The following ZNF565 variants were observed in gnomAD, a reference collection of about 807,000 sequenced individuals.
The protein encoded by ZNF565 is zinc finger protein 565.
A neutral mutation model predicts 39.4 loss-of-function variants in ZNF565; 27 were observed. That is an observed-to-expected ratio of 0.69 (90% confidence interval 0.51 to 0.95). The LOEUF (loss-of-function observed/expected upper bound fraction) is 0.95, where lower values mean the gene tolerates loss of function less well. Among genes scored for constraint, ZNF565 ranks in the 40% least tolerant of loss-of-function variants. ZNF565 has a pLI of 0.00. For missense variants in ZNF565, 524 were observed against 621.1 expected (o/e 0.84, Z 1.66); for synonymous variants, 185 against 216.6 (o/e 0.85, Z 1.28).
chr19:36,182,451 T>A lies in ZNF565; in HGVS notation c.*15A>T. 1 of 1,540,820 alleles carries A rather than the reference T, an allele frequency of 6.5e-7. No homozygotes were observed. Among genetic ancestry groups the A allele is most frequent in the East Asian group, 2.3e-5 (1 of 44,348 alleles). On this transcript the variant is annotated 3_prime_UTR_variant, in exon 5 of 5. Coordinates refer to ENST00000304116, the MANE Select transcript of ZNF565 (RefSeq NM_152477.5). Reference sequence around the variant, plus strand: ...CACATAAAGGCTTATCTTTATCCCTTACACTCAAGGCTTTCTAACCAGTAT... The same window carrying A: ...CACATAAAGGCTTATCTTTATCCCTAACACTCAAGGCTTTCTAACCAGTAT...
intron 1 of ZNF565, among the ~76,000 whole-genome samples, chr19:36,210,723 C>T (rs1330728153): frequency 1.3e-5 from 2 of 151,372 alleles, no homozygotes; most frequent in African/African-American, 4.9e-5. Flanking sequence ...CTCCCGGGCT[C>T]AAGCAATCCT....
chr19:36,233,419 A>G (rs1396480199), intron 1 of ZNF565, among the ~76,000 whole-genome samples: 1 of 152,064 alleles, frequency 6.6e-6, no homozygotes, highest in Non-Finnish European at 1.5e-5. Flanking sequence ...CTGACTTGGA[A>G]AAGAAAGAGA....
chr19:36,212,801 G>A (rs1290992692), intron 1 of ZNF565, among the ~76,000 whole-genome samples: 1 of 152,170 alleles, frequency 6.6e-6, no homozygotes, highest in Non-Finnish European at 1.5e-5. Context: ...GCAAATACTG[G>A]AGACCAGGTT....
At chr19:36,227,247 G>T (rs921890933) in intron 1 of ZNF565, among the ~76,000 whole-genome samples, 30 of 151,488 alleles carry the variant, frequency 2.0e-4, no homozygotes, top group African/African-American at 7.0e-4. Context: ...AAATTAGCTG[G>T]GTGTAGTGGC....
chr19:36,183,823 A>G, intron 4 of ZNF565, 90 bp from the exon 5 acceptor site: 1 of 1,202,748 alleles, frequency 8.3e-7, no homozygotes, highest in Non-Finnish European at 1.2e-6. Context: ...ACGGTGGCTC[A>G]CATCTGTAAT....
intron 4 of ZNF565, among the ~76,000 whole-genome samples, chr19:36,190,696 G>GGGAA (rs1471901945): frequency 6.6e-6 from 1 of 151,260 alleles, no homozygotes; most frequent in Non-Finnish European, 1.5e-5. Context: ...AAGTGAAAGT[G>GGGAA]GGAAGGCCAG....
chr19:36,221,281 C>T (rs1379311810), intron 1 of ZNF565, among the ~76,000 whole-genome samples: 1 of 137,912 alleles, frequency 7.3e-6, no homozygotes, highest in Non-Finnish European at 1.5e-5. Context: ...GGTTAAGGGA[C>T]TGCTTTTTTT....
chr19:36,201,232 G>T (rs545587154), intron 2 of ZNF565, among the ~76,000 whole-genome samples: 55 of 152,200 alleles, frequency 3.6e-4, no homozygotes, highest in Non-Finnish European at 8.8e-5. Flanking sequence ...AGCCCAGGAG[G>T]TTGAGGCTGC....
intron 2 of ZNF565, among the ~76,000 whole-genome samples, chr19:36,195,841 C>T (rs1475229675): frequency 6.7e-6 from 1 of 148,168 alleles, no homozygotes; most frequent in Non-Finnish European, 1.5e-5. Flanking sequence ...CCGTGCCCAG[C>T]CCACCTGACC....
upstream of ZNF565, chr19:36,215,146 T>A (rs1329887746): frequency 6.6e-6 from 1 of 152,134 alleles, no homozygotes; most frequent in Non-Finnish European, 1.5e-5. Flanking sequence ...ATTTTGGTCT[T>A]TGTCCGCGGG....
At chr19:36,242,091 A>G (rs897767178) in intron 1 of ZNF565, among the ~76,000 whole-genome samples, 3 of 152,214 alleles carry the variant, frequency 2.0e-5, no homozygotes, top group African/African-American at 7.2e-5. Context: ...GAAGTTCAAC[A>G]TGCAGAATGG....
At chr19:36,221,284 C>CTTTTTTTT (rs74172797) in intron 1 of ZNF565, among the ~76,000 whole-genome samples, 8 of 98,688 alleles carry the variant, frequency 8.1e-5, no homozygotes, top group African/African-American at 1.7e-4. Flanking sequence ...TAAGGGACTG[C>CTTTTTTTT]TTTTTTTTTT....
rs908402174 is a variant in ZNF565 at position 36,245,664 on chromosome 19, G to A, written c.-134C>T. ...TGCTTTGGCAGAGTCTCTGGTGCCC[G>A]GGTGAATGGGTTCAGGGTCTCTTAA... On this transcript the variant is annotated 5_prime_UTR_variant, in exon 1 of 5. Transcript: ENST00000355114. This position sits in a 1 kb window ranked among gnomAD's most constrained non-coding sequence, Gnocchi z 4.4. 1.9e-5 allele frequency: 13 copies of A among 675,766 alleles called. No individual in the cohort carries two copies. The highest frequency in any genetic ancestry group is 3.2e-5 in the Non-Finnish European group (12 of 371,240). The allele number at this position is 675,766 out of a possible 1,614,324, so 41.9% of individuals were successfully genotyped here.
At chr19:36,236,362 C>T in intron 1 of ZNF565, 3 of 1,491,452 alleles carry the variant, frequency 2.0e-6, no homozygotes, top group Non-Finnish European at 2.7e-6. Context: ...GAAATATCTT[C>T]AGCCAAAAGT....
rs1349866410 is a variant in ZNF565, at chr19:36,237,167, A to G, written c.55+8309T>C. The G allele has an allele frequency of 1.9e-6, 3 of 1,614,022 alleles. No homozygotes were observed. The African/African-American group carries it at 4.0e-5, about 22-fold the overall frequency. On this transcript the variant is annotated intron_variant, in intron 1 of 4. Coordinates refer to the ZNF565 transcript ENST00000355114. ...TACAGGGGAGAAGCCCTATGGTTGT[A>G]ATGAATGTGGGAAAGCTTTCTCTCA... is the stretch of plus-strand genomic sequence containing the variant.
chr19:36,211,985 A>G (rs1976377391), intron 1 of ZNF565, among the ~76,000 whole-genome samples: 1 of 152,160 alleles, frequency 6.6e-6, no homozygotes, highest in Non-Finnish European at 1.5e-5. Flanking sequence ...TCTTCACAAG[A>G]CATGTATCAA....
At chr19:36,225,550 A>C (rs1331832526) in intron 1 of ZNF565, among the ~76,000 whole-genome samples, 1 of 151,784 alleles carries the variant, frequency 6.6e-6, no homozygotes, top group Non-Finnish European at 1.5e-5. Context: ...TCCTAGGCTC[A>C]AGCAGTCCTT....
chr19:36,244,385 T>C (rs1165964483), intron 1 of ZNF565, among the ~76,000 whole-genome samples: 2 of 151,376 alleles, frequency 1.3e-5, no homozygotes, highest in African/African-American at 4.9e-5. Flanking sequence ...CCTTCTCTAC[T>C]AAAAATACAA....
At chr19:36,201,730 C>T (rs1368804924) in intron 2 of ZNF565, among the ~76,000 whole-genome samples, 2 of 152,080 alleles carry the variant, frequency 1.3e-5, no homozygotes, top group Non-Finnish European at 2.9e-5. Context: ...CCACCTCAGC[C>T]TCCTAAAGTG....
Sources: gnomAD v4.1 joint callset for allele counts (sites outside exome capture counted in the v4.1 genomes callset) on GRCh38, gnomAD v4.1.1 for gene constraint, Gnocchi (gnomAD v3.1) non-coding constraint, MANE v1.5 for transcripts, NCBI Gene and HGNC (gene_info 2026-07-23, HGNC 2026-07-21) for gene names.